The following POLA1 variants were observed in gnomAD, a reference collection of about 807,000 sequenced individuals.
The protein encoded by POLA1 is DNA polymerase alpha 1, catalytic subunit.
In POLA1, 15 loss-of-function variants were observed where a neutral mutation model predicts 124.0. The ratio of observed to expected loss-of-function variants is 0.12; its 90% CI spans 0.08 to 0.19. The LOEUF (loss-of-function observed/expected upper bound fraction) is 0.19, where lower values mean the gene tolerates loss of function less well. Among genes scored for constraint, POLA1 ranks in the 10% least tolerant of loss-of-function variants. POLA1 has a pLI of 1.00. For missense variants in POLA1, 886 were observed against 1,103.4 expected (o/e 0.80, Z 2.79); for synonymous variants, 408 against 389.4 (o/e 1.05, Z -0.56).
At position 24,801,924 on chromosome X, in the gene POLA1, G is replaced by GGGGTGTGTGTGTGTGTGT. The variant is rs759368851; in HGVS notation, c.2965-7973_2965-7972insGGTGTGTGTGTGTGTGTG. Among the ~76,000 whole-genome samples, 22 of 74,544 alleles carry GGGGTGTGTGTGTGTGTGT rather than the reference G, an allele frequency of 3.0e-4. 1 individual carries two copies. Among genetic ancestry groups the GGGGTGTGTGTGTGTGTGT allele is most frequent in the African/African-American group, 1.0e-3 (19 of 18,243 alleles). 64.7% of individuals were successfully genotyped at this position (74,544 alleles called of 115,157 possible). On this transcript the variant is annotated intron_variant, in intron 26 of 36. Transcript: ENST00000379068. ...ACAGAGCCACTAGGAGAGGTGGGTG[G>GGGGTGTGTGTGTGTGTGT]GTGTGTGTGTGTGTGTGTGTGTGTG...
intron 26 of POLA1, among the ~76,000 whole-genome samples, chrX:24,790,382 AT>A (rs939427797): frequency 1.8e-5 from 2 of 111,970 alleles, no homozygotes; most frequent in Admixed American, 9.5e-5. Flanking sequence ...TAAGGGATCC[AT>A]TTTCTTTTTC....
intron 35 of POLA1, among the ~76,000 whole-genome samples, chrX:24,899,100 ACT>A (rs1442222905): frequency 2.7e-5 from 3 of 111,153 alleles, no homozygotes; most frequent in East Asian, 5.6e-4. Flanking sequence ...ACTGTGACAA[ACT>A]CTGTGGGTTT....
chrX:24,871,005 T>C (rs2046856495), intron 34 of POLA1, among the ~76,000 whole-genome samples: 1 of 111,781 alleles, frequency 8.9e-6, no homozygotes, highest in African/African-American at 3.2e-5. Flanking sequence ...GCAACCAAAG[T>C]ATTCAGAGGG....
intron 36 of POLA1, among the ~76,000 whole-genome samples, chrX:24,981,309 G>A (rs1179523563): frequency 8.9e-6 from 1 of 112,136 alleles, no homozygotes; most frequent in East Asian, 2.8e-4. Context: ...TGAACTCTCA[G>A]ATTCCCCAAA....
chrX:24,888,305 G>T (rs1293095002), intron 35 of POLA1, among the ~76,000 whole-genome samples, 183 bp downstream of exon 35: 1 of 111,815 alleles, frequency 8.9e-6, no homozygotes, highest in Admixed American at 9.5e-5. Flanking sequence ...CATGTCATGA[G>T]CAATACTATA....
At chrX:24,993,965 T>A (rs1361584016) in intron 36 of POLA1, among the ~76,000 whole-genome samples, 1 of 112,009 alleles carries the variant, frequency 8.9e-6, no homozygotes, top group Non-Finnish European at 1.9e-5. Context: ...GAAAAGTCAA[T>A]ATCCCATCAG....
chrX:24,904,420 C>CT (rs2047329197), intron 35 of POLA1, among the ~76,000 whole-genome samples: 1 of 106,934 alleles, frequency 9.4e-6, no homozygotes, highest in African/African-American at 3.4e-5. Flanking sequence ...CCATGGCTTT[C>CT]TTTTGTTTTT....
intron 31 of POLA1, among the ~76,000 whole-genome samples, chrX:24,823,742 A>G (rs909050529): frequency 8.9e-6 from 1 of 112,415 alleles, no homozygotes; most frequent in Non-Finnish European, 1.9e-5. Flanking sequence ...TTGCTGCCTT[A>G]AGCAAGGGTG....
chrX:24,977,774 T>C (rs777208204), intron 36 of POLA1, among the ~76,000 whole-genome samples: 24 of 112,183 alleles, frequency 2.1e-4, no homozygotes, highest in African/African-American at 7.8e-4. Flanking sequence ...CCAGAATAGA[T>C]CCAGTCTCCT....
In POLA1 at chrX:24,812,701, A is replaced by T; in HGVS notation, c.3134A>T (p.Asp1045Val). Reference sequence around the variant, plus strand: ...AAGTTGTACAAACTGCTTGAAATAGACATTGATGGGGTTTTCAAGTCTCTG... The same window carrying T: ...AAGTTGTACAAACTGCTTGAAATAGTCATTGATGGGGTTTTCAAGTCTCTG... ...VNKLYKLLEI[D>V]IDGVFKSLLL... The change falls in exon 29 of 37, where the codon GAC (aspartate) becomes GTC (valine). Residue 1045 changes from aspartate (D) to valine (V), a missense_variant. Physicochemically the swap from Asp to Val is radical, Grantham distance 152 (BLOSUM62 -3). Coordinates refer to ENST00000379068, the MANE Select transcript of POLA1 (RefSeq NM_001330360.2). 1 of 1,204,337 alleles carries T rather than the reference A, an allele frequency of 8.3e-7. No individual in the cohort carries two copies. Among genetic ancestry groups the T allele is most frequent in the Non-Finnish European group, 1.1e-6 (1 of 889,119 alleles).
At chrX:24,817,162 T>A (rs1442608046) in intron 30 of POLA1, among the ~76,000 whole-genome samples, 1 of 111,978 alleles carries the variant, frequency 8.9e-6, no homozygotes, top group Non-Finnish European at 1.9e-5. Context: ...AAGTAGTAGT[T>A]GTTCAGTAAG....
chrX:24,751,728 A>G (rs777223142), intron 26 of POLA1, among the ~76,000 whole-genome samples: 5 of 112,275 alleles, frequency 4.5e-5, no homozygotes, highest in Non-Finnish European at 9.4e-5. Context: ...GCACTGGTGG[A>G]TGGAAGTAGT....
intron 35 of POLA1, among the ~76,000 whole-genome samples, chrX:24,915,980 T>C (rs987152490): frequency 1.8e-5 from 2 of 111,738 alleles, no homozygotes; most frequent in African/African-American, 3.3e-5. Flanking sequence ...CTGCTAGAGC[T>C]CAGATTGAGG....
At chrX:24,713,946 C>G (rs1929644313) in intron 4 of POLA1, among the ~76,000 whole-genome samples, 1 of 112,042 alleles carries the variant, frequency 8.9e-6, no homozygotes, top group African/African-American at 3.2e-5. Flanking sequence ...TTAGCTTTAT[C>G]TTTTTATTTC....
At chrX:24,709,104 C>G (rs377316808) in intron 4 of POLA1, among the ~76,000 whole-genome samples, 1 of 80,758 alleles carries the variant, frequency 1.2e-5, no homozygotes, top group African/African-American at 4.4e-5. Context: ...GGCGGCTGGC[C>G]GGGCAGAGGG....
chrX:24,830,846 A>C, intron 32 of POLA1, among the ~76,000 whole-genome samples: 1 of 112,179 alleles, frequency 8.9e-6, no homozygotes, highest in East Asian at 2.8e-4. Flanking sequence ...GGTACTTAGA[A>C]TTATATGTAA....
intron 34 of POLA1, among the ~76,000 whole-genome samples, chrX:24,878,795 C>T (rs1601829462): frequency 9.1e-6 from 1 of 109,538 alleles, no homozygotes; most frequent in African/African-American, 3.3e-5. Flanking sequence ...CTTTCTTTCC[C>T]CATAAGCACA....
chrX:24,797,924 T>C (rs1212785133), intron 26 of POLA1, among the ~76,000 whole-genome samples: 1 of 107,809 alleles, frequency 9.3e-6, no homozygotes, highest in East Asian at 2.9e-4. Context: ...GGGGTGCGCC[T>C]ATAGTCCCAG....
At position 24,792,263 on chromosome X, in the gene POLA1, AC is replaced by A. The variant is rs947045643; in HGVS notation, c.2965-17629del. Reference sequence around the variant, plus strand: ...CATGTTCTCCAAACAGCTGTTAAGCACCCCCCTCCCCAATACCACAGACCAC... The same window carrying A: ...CATGTTCTCCAAACAGCTGTTAAGCACCCCCTCCCCAATACCACAGACCAC... On this transcript the variant is annotated intron_variant, in intron 26 of 36. Coordinates refer to ENST00000379068, the MANE Select transcript of POLA1 (RefSeq NM_001330360.2). Among the ~76,000 whole-genome samples, 15 of 110,817 alleles carry A rather than the reference AC, an allele frequency of 1.4e-4. No individual in the cohort carries two copies. In the East Asian group the frequency reaches 1.4e-3, roughly 10 times the overall value.
Sources: gnomAD v4.1 joint callset for allele counts (sites outside exome capture counted in the v4.1 genomes callset) on GRCh38, gnomAD v4.1.1 for gene constraint, MANE v1.5 for transcripts, NCBI Gene and HGNC (gene_info 2026-07-23, HGNC 2026-07-21) for gene names.